The following TPRG1 variants were observed in gnomAD, a reference collection of about 807,000 sequenced individuals.
TPRG1 encodes the protein tumor protein p63 regulated 1.
A neutral mutation model predicts 29.3 loss-of-function variants in TPRG1; 29 were observed. The observed-to-expected ratio is 0.99, with a 90% CI of 0.74 to 1.35. The LOEUF is 1.35. Among genes scored for constraint, TPRG1 ranks in the 40% most tolerant of loss-of-function variants. TPRG1 has a pLI of 0.00. For missense variants in TPRG1, 327 were observed against 335.0 expected, an observed-to-expected ratio of 0.98 and a Z score of 0.19; for synonymous variants, 130 against 116.8, an observed-to-expected ratio of 1.11 and a Z score of -0.73.
At chr3:189,075,903 T>C (rs1438069220) in intron 4 of TPRG1, among the ~76,000 whole-genome samples, 1 of 152,246 alleles carries the variant, frequency 6.6e-6, no homozygotes, top group Non-Finnish European at 1.5e-5. Context: ...TCCATTATTC[T>C]ATACCTGCCA....
At chr3:189,013,079 C>T (rs1424828466) in intron 3 of TPRG1, among the ~76,000 whole-genome samples, 1 of 151,896 alleles carries the variant, frequency 6.6e-6, no homozygotes, top group East Asian at 1.9e-4. Flanking sequence ...GGTTTGTTTG[C>T]TCTTGATTCA....
chr3:189,076,936 A>ATATG (rs894310251), intron 4 of TPRG1, among the ~76,000 whole-genome samples: 2 of 151,238 alleles, frequency 1.3e-5, no homozygotes, highest in African/African-American at 4.9e-5. Flanking sequence ...ATATATATAT[A>ATATG]TATATAGCCA....
intron 3 of TPRG1, among the ~76,000 whole-genome samples, chr3:189,146,761 A>G (rs1725317589): frequency 6.6e-6 from 1 of 152,258 alleles, no homozygotes; most frequent in Non-Finnish European, 1.5e-5. Context: ...ATTAAATGAA[A>G]GCAATATGCA....
intron 2 of TPRG1, among the ~76,000 whole-genome samples, chr3:189,208,685 T>A (rs1220342637): frequency 6.6e-6 from 1 of 152,218 alleles, no homozygotes; most frequent in Non-Finnish European, 1.5e-5. Flanking sequence ...TTTCTGCATA[T>A]GTAGAGCATA....
At chr3:189,279,019 G>A (rs1716644550) in intron 4 of TPRG1, among the ~76,000 whole-genome samples, 1 of 152,148 alleles carries the variant, frequency 6.6e-6, no homozygotes, top group African/African-American at 2.4e-5. Flanking sequence ...GGTGGAGGTA[G>A]GCAAACTTTT....
At chr3:189,200,552 C>A (rs1193117814) in intron 1 of TPRG1, among the ~76,000 whole-genome samples, 1 of 152,222 alleles carries the variant, frequency 6.6e-6, no homozygotes, top group Non-Finnish European at 1.5e-5. Context: ...TGACTACACG[C>A]AGGCCACAGG....
At chr3:189,202,770 C>T (rs937093482) in intron 1 of TPRG1, among the ~76,000 whole-genome samples, 4 of 152,116 alleles carry the variant, frequency 2.6e-5, no homozygotes, top group Admixed American at 2.6e-4. Context: ...CAGCCTGCAG[C>T]GCTCGCTGTG....
At chr3:189,278,510 C>A (rs555103714) in intron 4 of TPRG1, among the ~76,000 whole-genome samples, 30 of 152,218 alleles carry the variant, frequency 2.0e-4, no homozygotes, top group African/African-American at 7.2e-4. Context: ...ATGAACAATG[C>A]CAATTTCTAT....
intron 3 of TPRG1, among the ~76,000 whole-genome samples, chr3:189,014,920 A>T (rs1209579240): frequency 6.6e-6 from 1 of 152,184 alleles, no homozygotes; most frequent in East Asian, 1.9e-4. Flanking sequence ...TGGTACCAGG[A>T]TAGTGGGGCA....
chr3:189,163,729 C>A (rs1727783430), intron 5 of TPRG1, among the ~76,000 whole-genome samples: 1 of 152,010 alleles, frequency 6.6e-6, no homozygotes, highest in African/African-American at 2.4e-5. Flanking sequence ...TCTATGTGTG[C>A]CATTAGGGCT....
At chr3:189,260,345 T>G (rs1712785184) in intron 4 of TPRG1, among the ~76,000 whole-genome samples, 1 of 152,206 alleles carries the variant, frequency 6.6e-6, no homozygotes. Context: ...CTGATACATT[T>G]TCCTGATATA....
intron 3 of TPRG1, among the ~76,000 whole-genome samples, chr3:189,226,001 A>G (rs930476555): frequency 7.9e-5 from 12 of 152,258 alleles, no homozygotes; most frequent in African/African-American, 2.2e-4. Context: ...TGAAAAATAC[A>G]TAAAATAAAA....
intron 4 of TPRG1, among the ~76,000 whole-genome samples, chr3:189,295,320 T>C (rs1045693692): frequency 3.3e-5 from 5 of 152,282 alleles, no homozygotes; most frequent in African/African-American, 1.2e-4. Flanking sequence ...ATGCCAAGGC[T>C]GTGTTGTGAA....
chr3:189,071,612 G>A (rs1029296651), intron 4 of TPRG1, among the ~76,000 whole-genome samples: 2 of 152,160 alleles, frequency 1.3e-5, no homozygotes, highest in Admixed American at 6.5e-5. Flanking sequence ...TGGTATATGT[G>A]TGTGCATACA....
intron 4 of TPRG1, among the ~76,000 whole-genome samples, chr3:189,250,513 C>G (rs202222120): frequency 1.9e-4 from 17 of 88,736 alleles, no homozygotes; most frequent in African/African-American, 5.3e-4. Context: ...CGCCCCCCCC[C>G]CCCCACCCAG....
At chr3:189,255,418 G>A (rs1478784540) in intron 4 of TPRG1, among the ~76,000 whole-genome samples, 2 of 152,088 alleles carry the variant, frequency 1.3e-5, no homozygotes, top group Admixed American at 6.6e-5. Flanking sequence ...TGCTTGATTT[G>A]GTTTGCTAGC....
At chr3:189,019,443 A>C (rs932484356) in intron 3 of TPRG1, among the ~76,000 whole-genome samples, 2 of 152,000 alleles carry the variant, frequency 1.3e-5, no homozygotes, top group Non-Finnish European at 2.9e-5. Flanking sequence ...TAGCATGAAG[A>C]GTTGTTGAAT....
chr3:189,195,758 C>T (rs1298831450), intron 1 of TPRG1, among the ~76,000 whole-genome samples: 2 of 152,120 alleles, frequency 1.3e-5, no homozygotes, highest in Admixed American at 6.6e-5. Flanking sequence ...CTCTTGCTTT[C>T]TTCCTTGTTG....
chr3:189,000,311 A>G (rs542425206), intron 1 of TPRG1, among the ~76,000 whole-genome samples: 2 of 152,278 alleles, frequency 1.3e-5, no homozygotes, highest in African/African-American at 4.8e-5. Context: ...TCATCCTGAT[A>G]TCATGTAAAC....
Sources: gnomAD v4.1 joint callset for allele counts (sites outside exome capture counted in the v4.1 genomes callset) on GRCh38, gnomAD v4.1.1 for gene constraint, MANE v1.5 for transcripts, NCBI Gene and HGNC (gene_info 2026-07-23, HGNC 2026-07-21) for gene names.